The following TSBP1 variants were observed in gnomAD, a reference collection of about 807,000 sequenced individuals.
The protein encoded by TSBP1 is testis-expressed basic protein 1.
TSBP1 carries 56 observed loss-of-function variants against 68.8 expected under a neutral mutation model. The ratio of observed to expected loss-of-function variants is 0.81; its 90% confidence interval spans 0.66 to 1.02. The LOEUF (loss-of-function observed/expected upper bound fraction) is 1.02. Ranked by LOEUF, TSBP1 falls within the 50% of genes least tolerant of loss-of-function variation. The pLI is 0.00. For missense variants in TSBP1, 502 were observed against 641.2 expected, an observed-to-expected ratio of 0.78 and a Z score of 2.34; for synonymous variants, 171 against 208.7, an observed-to-expected ratio of 0.82 and a Z score of 1.56.
At position 32,337,330 on chromosome 6, in the gene TSBP1, G is replaced by A. The variant is rs879477837; in HGVS notation, c.410-695C>T. On this transcript the variant is annotated intron_variant, in intron 11 of 22. Transcript: ENST00000612031. This position sits in a 1 kb window ranked among gnomAD's most constrained non-coding sequence, Gnocchi z 5.5. ...ATCTGCCAGCTGGAACTGTGGAGACGCACATTTGGTCAGGCAGCGTTCCTT... is the reference window on the plus strand; with the variant it reads ...ATCTGCCAGCTGGAACTGTGGAGACACACATTTGGTCAGGCAGCGTTCCTT... Among the ~76,000 whole-genome samples, 34 of 152,136 alleles carry A rather than the reference G, an allele frequency of 2.2e-4. No homozygotes were observed. Among genetic ancestry groups the A allele is most frequent in the Admixed American group, 9.8e-4 (15 of 15,266 alleles).
intron 16 of TSBP1, among the ~76,000 whole-genome samples, chr6:32,329,435 C>T (rs1345197771): frequency 6.6e-6 from 1 of 152,140 alleles, no homozygotes; most frequent in Non-Finnish European, 1.5e-5. Context: ...TCTGTGAGTA[C>T]TGAGAAAAGC....
At chr6:32,310,842 G>A (rs1766328140) in intron 19 of TSBP1, among the ~76,000 whole-genome samples, 2 of 150,518 alleles carry the variant, frequency 1.3e-5, no homozygotes, top group South Asian at 2.1e-4. Context: ...CCAGCCTTTC[G>A]TGGCCTTTTC....
chr6:32,363,793 G>A (rs1773336256), intron 6 of TSBP1, among the ~76,000 whole-genome samples: 1 of 151,668 alleles, frequency 6.6e-6, no homozygotes, highest in African/African-American at 2.4e-5. Flanking sequence ...TACAGTATTA[G>A]AATATTCTGA....
In TSBP1 at chr6:32,321,459, T is replaced by C. The variant is rs1457103745; in HGVS notation, c.559+1658A>G. On this transcript the variant is annotated intron_variant, in intron 18 of 22. Coordinates refer to ENST00000612031, the Ensembl canonical transcript of TSBP1. The surrounding 1 kb of genome is among the most constrained non-coding windows in gnomAD (Gnocchi z 4.3). ...CTGTGAGACCAGTAATCCCTTCTCC[T>C]GACCTCAGGTGGGCATTGGTCCCTG... 6.6e-6 allele frequency among the ~76,000 whole-genome samples: 1 copy of C among 152,194 alleles called. No individual in the cohort carries two copies.
intron 6 of TSBP1, among the ~76,000 whole-genome samples, chr6:32,363,160 A>G (rs6415129): frequency 0.29 from 44,237 of 151,860 alleles, 7,468 homozygotes; most frequent in African/African-American, 0.44. Flanking sequence ...CTAAAAGTCT[A>G]TTTTGCCTGA....
chr6:32,358,201 A>C (rs1772554827), intron 6 of TSBP1, among the ~76,000 whole-genome samples: 1 of 152,172 alleles, frequency 6.6e-6, no homozygotes, highest in Admixed American at 6.5e-5. Context: ...TATTTTGCTT[A>C]TCCGTGTACC....
In TSBP1 at chr6:32,357,840, A is replaced by T. The variant is rs568932391; in HGVS notation, c.218-2171T>A. ...GGGCTTGGGTTTTAGACATGCTAAG[A>T]GTGAGATGCCTTTCATATATCTTCA... is the stretch of plus-strand genomic sequence containing the variant. On this transcript the variant is annotated intron_variant, in intron 6 of 22. Coordinates refer to ENST00000612031, the Ensembl canonical transcript of TSBP1. This position sits in a 1 kb window ranked among gnomAD's most constrained non-coding sequence, Gnocchi z 4.7. Among the ~76,000 whole-genome samples, 1 of 86,188 alleles carries T rather than the reference A, an allele frequency of 1.2e-5. No individual in the cohort carries two copies. Among genetic ancestry groups the T allele is most frequent in the Non-Finnish European group, 2.2e-5 (1 of 44,970 alleles). 56.5% of individuals were successfully genotyped at this position (86,188 alleles called of 152,430 possible). A position where few individuals can be genotyped will look rare whatever the true frequency, so the allele number is the denominator to read the frequency against.
intron 19 of TSBP1, among the ~76,000 whole-genome samples, chr6:32,303,545 C>CTTTTATTTTTAAATTTTTTA (rs1393587075): frequency 2.2e-4 from 34 of 151,506 alleles, no homozygotes; most frequent in African/African-American, 8.2e-4. Context: ...ATTCTTTTTA[C>CTTTTATTTTTAAATTTTTTA]TTTTATTGTT....
At chr6:32,370,427 A>G (rs199868529) in intron 1 of TSBP1, among the ~76,000 whole-genome samples, 18,411 of 145,426 alleles carry the variant, frequency 0.13, 1,890 homozygotes, top group Middle Eastern at 0.3. Context: ...ATATATATAT[A>G]TATATATATA....
At chr6:32,293,553 C>A in exon 23 of TSBP1, 10 of 1,612,392 alleles carry the variant, frequency 6.2e-6, no homozygotes, top group Non-Finnish European at 7.6e-6. Context: ...CTTGGCACAC[C>A]CATCTCACTC....
chr6:32,297,999 G>T (rs1764885842), intron 22 of TSBP1, among the ~76,000 whole-genome samples: 1 of 152,130 alleles, frequency 6.6e-6, no homozygotes, highest in Non-Finnish European at 1.5e-5. Flanking sequence ...AGATTAAACA[G>T]ATTTTTCTCT....
rs892324875 is a variant in TSBP1 at position 32,302,225 on chromosome 6, A to G, written c.601+384T>C. On this transcript the variant is annotated intron_variant, in intron 20 of 22. Transcript: ENST00000612031. The surrounding 1 kb of genome is among the most constrained non-coding windows in gnomAD (Gnocchi z 5.1). ...CCCAGCACTTTAGGAGGCTAAGGCA[A>G]GGGGATCGTTTGAGGCCAGGACTTT... 6.6e-6 allele frequency among the ~76,000 whole-genome samples: 1 copy of G among 152,032 alleles called. No individual in the cohort carries two copies. The highest frequency in any genetic ancestry group is 1.5e-5 in the Non-Finnish European group (1 of 67,980).
intron 22 of TSBP1, among the ~76,000 whole-genome samples, chr6:32,296,756 TG>T (rs1764768818): frequency 6.6e-6 from 1 of 152,224 alleles, no homozygotes; most frequent in African/African-American, 2.4e-5. Flanking sequence ...TGCTACTGTG[TG>T]TAATACTTCA....
chr6:32,298,227 G>A (rs1764904321), intron 22 of TSBP1, among the ~76,000 whole-genome samples: 1 of 152,062 alleles, frequency 6.6e-6, no homozygotes, highest in Admixed American at 6.5e-5. Flanking sequence ...TTTGAGGGAT[G>A]TTGGCGCATT....
At chr6:32,293,863 G>A (rs772065928) in exon 23 of TSBP1, 15 of 1,612,750 alleles carry the variant, frequency 9.3e-6, no homozygotes, top group Admixed American at 1.7e-5. Context: ...GCTCCTTTAT[G>A]TGTGCTGATT....
At chr6:32,329,626 G>C (rs137982265) in intron 16 of TSBP1, among the ~76,000 whole-genome samples, 1,761 of 152,222 alleles carry the variant, frequency 0.012, 55 homozygotes, top group Middle Eastern at 0.048. Flanking sequence ...TTATAGGACT[G>C]TAAACTCCAT....
chr6:32,323,213 A>G, intron 17 of TSBP1, 76 bp from the exon 19 acceptor site: 1 of 963,414 alleles, frequency 1.0e-6, no homozygotes, highest in Non-Finnish European at 1.6e-6. Flanking sequence ...ATATTTGTGT[A>G]GGGGAGAAAC....
intron 16 of TSBP1, 136 bp downstream of exon 17, chr6:32,330,453 A>G: frequency 1.4e-6 from 1 of 714,998 alleles, no homozygotes; most frequent in Non-Finnish European, 2.2e-6. Context: ...GAAATCAGGA[A>G]GCATAAAAAC....
intron 20 of TSBP1, among the ~76,000 whole-genome samples, chr6:32,301,116 C>T (rs1038641908): frequency 6.6e-6 from 1 of 152,104 alleles, no homozygotes; most frequent in Non-Finnish European, 1.5e-5. Context: ...GCAGCTTCCA[C>T]TTCCGGGGTT....
Sources: allele counts gnomAD v4.1 joint callset (sites outside exome capture counted in the v4.1 genomes callset), GRCh38; gene constraint gnomAD v4.1.1; non-coding constraint Gnocchi (gnomAD v3.1); transcripts MANE v1.5; gene names NCBI Gene and HGNC (gene_info 2026-07-23, HGNC 2026-07-21).